Variants in EML6 observed in about 807,000 individuals in gnomAD.
EML6 encodes EMAP like 6, also known as echinoderm microtubule-associated protein-like 6.
Under a neutral mutation model 240.1 loss-of-function variants are expected in EML6, and 154 were observed. The ratio of observed to expected loss-of-function variants is 0.64; its 90% CI spans 0.56 to 0.73. The LOEUF (loss-of-function observed/expected upper bound fraction) is 0.73. Among genes scored for constraint, EML6 ranks in the 30% least tolerant of loss-of-function variants. The pLI, the probability that EML6 is intolerant of heterozygous loss-of-function variation, is 0.00. For missense variants in EML6, 2,964 were observed against 2,474.6 expected, an observed-to-expected ratio of 1.20 and a Z score of -4.20; for synonymous variants, 1,148 against 899.0, an observed-to-expected ratio of 1.28 and a Z score of -4.95.
intron 12 of EML6, among the ~76,000 whole-genome samples, chr2:54,863,015 C>A (rs1416687223): frequency 6.6e-6 from 1 of 152,222 alleles, no homozygotes; most frequent in South Asian, 2.1e-4. Context: ...ACGGTTGGGG[C>A]CTATGTGTTC....
At chr2:54,748,493 T>C (rs766398916) in intron 2 of EML6, 2 of 152,172 alleles carry the variant, frequency 1.3e-5, no homozygotes, top group Non-Finnish European at 2.9e-5. Flanking sequence ...CACATTTTTG[T>C]TGACTTGAAT....
At chr2:54,911,751 T>G (rs969762316) in intron 25 of EML6, among the ~76,000 whole-genome samples, 30 of 152,226 alleles carry the variant, frequency 2.0e-4, no homozygotes, top group African/African-American at 6.3e-4. Context: ...AATTATTTTT[T>G]GAGACAAAAA....
intron 18 of EML6, among the ~76,000 whole-genome samples, chr2:54,892,161 C>T (rs990568933): frequency 6.6e-6 from 1 of 152,156 alleles, no homozygotes; most frequent in African/African-American, 2.4e-5. Context: ...ATATTGATTG[C>T]TCTCTCCAGC....
intron 19 of EML6, among the ~76,000 whole-genome samples, chr2:54,893,366 T>A (rs985440151): frequency 2.0e-5 from 3 of 152,188 alleles, no homozygotes; most frequent in African/African-American, 7.2e-5. Flanking sequence ...GGAAGGGCCT[T>A]CTTGCTGTGT....
chr2:54,789,875 G>A (rs1669335668), intron 2 of EML6, among the ~76,000 whole-genome samples: 1 of 152,202 alleles, frequency 6.6e-6, no homozygotes, highest in South Asian at 2.1e-4. Flanking sequence ...AGTACAGGGA[G>A]AGCTTTATGA....
intron 7 of EML6, among the ~76,000 whole-genome samples, chr2:54,834,860 A>G (rs969543656): frequency 6.6e-6 from 1 of 152,210 alleles, no homozygotes; most frequent in Non-Finnish European, 1.5e-5. Flanking sequence ...TGTAAGTTGC[A>G]TTCCTGCTTC....
chr2:54,955,557 C>G lies in EML6; in HGVS notation c.4486+1401C>G, dbSNP rs535823999. The stretch of plus-strand genomic sequence containing the variant: ...TCTGTGCTGCTAACTGTTCCTAGAT[C>G]CTTGGAAGAAAGCTCTCACACTGGC... On this transcript the variant is annotated intron_variant, in intron 32 of 41. Transcript: ENST00000356458. Among the ~76,000 whole-genome samples, 4 of 152,292 alleles carry G rather than the reference C, an allele frequency of 2.6e-5. No individual in the cohort carries two copies. The South Asian group carries it at 8.3e-4, about 32-fold the overall frequency.
intron 26 of EML6, among the ~76,000 whole-genome samples, chr2:54,928,002 G>A (rs1242824694): frequency 6.6e-6 from 1 of 152,222 alleles, no homozygotes; most frequent in Admixed American, 6.5e-5. Flanking sequence ...ACCTGTGGAG[G>A]CAGCACATTT....
chr2:54,879,817 C>A, intron 17 of EML6, 177 bp downstream of exon 17: 1 of 592,932 alleles, frequency 1.7e-6, no homozygotes, highest in Non-Finnish European at 3.0e-6. Context: ...TGACTTAGAG[C>A]AGGTCATGTT....
chr2:54,924,040 C>T (rs1192531341), intron 26 of EML6, among the ~76,000 whole-genome samples: 2 of 152,296 alleles, frequency 1.3e-5, no homozygotes, highest in East Asian at 3.9e-4. Flanking sequence ...GATGAACATA[C>T]TTTTCCAGTT....
At chr2:54,729,450 G>A (rs771419959) in intron 2 of EML6, among the ~76,000 whole-genome samples, 1 of 152,230 alleles carries the variant, frequency 6.6e-6, no homozygotes, top group Non-Finnish European at 1.5e-5. Flanking sequence ...CATTTCCTGA[G>A]TGCCAAACTC....
At chr2:54,884,921 C>G (rs148747085) in intron 17 of EML6, among the ~76,000 whole-genome samples, 2,426 of 152,318 alleles carry the variant, frequency 0.016, 48 homozygotes, top group African/African-American at 0.038. Context: ...TGCCTATAAT[C>G]CCAGCACTCT....
At chr2:54,904,273 C>T (rs1298342256) in intron 24 of EML6, among the ~76,000 whole-genome samples, 2 of 152,096 alleles carry the variant, frequency 1.3e-5, no homozygotes, top group Non-Finnish European at 2.9e-5. Flanking sequence ...CATTCAGTAC[C>T]CAGGGTGGAA....
rs577961562 is a variant in EML6 at position 54,747,101 on chromosome 2, T to C, written c.197+21843T>C. On this transcript the variant is annotated intron_variant, in intron 2 of 41. Transcript: ENST00000356458. ...CTTGTGTTCACAGGAATCTTAACTATAGGATTTTAAAAGTGATTTTATTAA... is the reference window on the plus strand; with the variant it reads ...CTTGTGTTCACAGGAATCTTAACTACAGGATTTTAAAAGTGATTTTATTAA... 2.0e-5 allele frequency: 3 copies of C among 152,354 alleles called. No individual in the cohort carries two copies. The East Asian group carries it at 5.8e-4, about 29-fold the overall frequency. The allele number at this position is 152,354 out of a possible 1,614,324, so 9.4% of individuals were successfully genotyped here.
intron 4 of EML6, among the ~76,000 whole-genome samples, chr2:54,818,388 C>T (rs969069610): frequency 6.6e-6 from 1 of 152,186 alleles, no homozygotes; most frequent in Non-Finnish European, 1.5e-5. Context: ...ACTTCCGTAA[C>T]AAATAGCTGA....
chr2:54,923,456 A>C (rs897944855), intron 26 of EML6, among the ~76,000 whole-genome samples: 31 of 151,270 alleles, frequency 2.0e-4, no homozygotes, highest in African/African-American at 6.8e-4. Context: ...TGTAGTAATT[A>C]TTTCACAATG....
intron 2 of EML6, among the ~76,000 whole-genome samples, chr2:54,736,264 A>G (rs1683386832): frequency 6.6e-6 from 1 of 152,224 alleles, no homozygotes; most frequent in South Asian, 2.1e-4. Context: ...TTGCAGGAGT[A>G]TTTCACTTTG....
chr2:54,969,929 T>C (rs948634597), intron 41 of EML6, 142 bp from the exon 42 acceptor site: 10 of 822,072 alleles, frequency 1.2e-5, no homozygotes, highest in Non-Finnish European at 1.8e-5. Context: ...GGTGGCAAGA[T>C]CCCTGGTTTA....
chr2:54,851,779 A>T (rs988764205), intron 10 of EML6, among the ~76,000 whole-genome samples: 1 of 152,180 alleles, frequency 6.6e-6, no homozygotes, highest in African/African-American at 2.4e-5. Flanking sequence ...GATAATGCAA[A>T]ATAGTCATAA....
Sources: gnomAD v4.1 joint callset for allele counts (sites outside exome capture counted in the v4.1 genomes callset) on GRCh38, gnomAD v4.1.1 for gene constraint, MANE v1.5 for transcripts, NCBI Gene and HGNC (gene_info 2026-07-23, HGNC 2026-07-21) for gene names.